DOCK5: variants seen among roughly 807,000 people sequenced by gnomAD.
DOCK5 encodes the protein dedicator of cytokinesis 5.
In DOCK5, 142 loss-of-function variants were observed where a neutral mutation model predicts 251.8. The ratio of observed to expected loss-of-function variants is 0.56; its 90% confidence interval spans 0.49 to 0.65. DOCK5 has a LOEUF of 0.65. Ranked by LOEUF, DOCK5 falls within the 30% of genes least tolerant of loss-of-function variation. The pLI is 0.00. For synonymous variants in DOCK5, 842 were observed against 835.5 expected (o/e 1.01, Z -0.13); for missense variants, 2,111 against 2,312.3 (o/e 0.91, Z 1.79).
intron 1 of DOCK5, among the ~76,000 whole-genome samples, chr8:25,190,128 G>C (rs1563301270): frequency 6.6e-6 from 1 of 151,648 alleles, no homozygotes; most frequent in Admixed American, 6.6e-5. Context: ...TTCATGTGAT[G>C]TGCCCGCCTT....
chr8:25,348,442 C>G (rs559003129), intron 26 of DOCK5, among the ~76,000 whole-genome samples: 1 of 152,338 alleles, frequency 6.6e-6, no homozygotes, highest in East Asian at 1.9e-4. Flanking sequence ...CTCTTATGCT[C>G]CAGGCACTGG....
chr8:25,398,332 C>T (rs1801381255), intron 45 of DOCK5, among the ~76,000 whole-genome samples: 2 of 152,322 alleles, frequency 1.3e-5, no homozygotes, highest in South Asian at 4.1e-4. Context: ...GACAGTCCCT[C>T]TAAATACGAT....
At chr8:25,349,899 C>T (rs1339297865) in intron 26 of DOCK5, among the ~76,000 whole-genome samples, 1 of 152,084 alleles carries the variant, frequency 6.6e-6, no homozygotes. Context: ...CCACTCGTAC[C>T]CCCAAAACTA....
intron 2 of DOCK5, among the ~76,000 whole-genome samples, chr8:25,251,880 T>G (rs984853508): frequency 6.6e-6 from 1 of 151,984 alleles, no homozygotes; most frequent in Non-Finnish European, 1.5e-5. Context: ...TCCCAGCTAC[T>G]TAGGAGACTG....
At chr8:25,233,676 A>G (rs959126233) in intron 1 of DOCK5, among the ~76,000 whole-genome samples, 1 of 152,194 alleles carries the variant, frequency 6.6e-6, no homozygotes, top group Non-Finnish European at 1.5e-5. Context: ...CTTCAATGGC[A>G]CAGCTGTAAT....
chr8:25,390,919 C>G (rs2117318693), intron 42 of DOCK5, among the ~76,000 whole-genome samples: 1 of 152,156 alleles, frequency 6.6e-6, no homozygotes, highest in African/African-American at 2.4e-5. Flanking sequence ...AGCAATTCTC[C>G]TGCCTCAGCC....
intron 1 of DOCK5, among the ~76,000 whole-genome samples, chr8:25,226,523 G>A (rs952134707): frequency 6.6e-6 from 1 of 151,862 alleles, no homozygotes; most frequent in Admixed American, 6.6e-5. Flanking sequence ...CTAGGCCTGG[G>A]ATTACAGGCG....
intron 2 of DOCK5, among the ~76,000 whole-genome samples, chr8:25,262,621 C>T (rs546039098): frequency 2.0e-4 from 31 of 152,248 alleles, no homozygotes; most frequent in African/African-American, 7.0e-4. Flanking sequence ...ACAGGAGACC[C>T]TTCTTAACTC....
chr8:25,275,196 T>C (rs915791373), intron 3 of DOCK5, among the ~76,000 whole-genome samples, 190 bp from the exon 4 acceptor site: 2 of 152,196 alleles, frequency 1.3e-5, no homozygotes, highest in Non-Finnish European at 2.9e-5. Context: ...AATTTCTACC[T>C]TTTTGATGTT....
chr8:25,401,180 A>C, intron 47 of DOCK5, 114 bp downstream of exon 47: 1 of 1,418,640 alleles, frequency 7.0e-7, no homozygotes, highest in Non-Finnish European at 9.7e-7. Context: ...ATGGCATGGA[A>C]ATAGTGAGGC....
intron 47 of DOCK5, 23 bp from the exon 48 acceptor site, chr8:25,403,535 C>A: frequency 6.2e-7 from 1 of 1,612,232 alleles, no homozygotes; most frequent in Non-Finnish European, 8.5e-7. Flanking sequence ...GTCCGCTAAC[C>A]ATGTGGAGTC....
At chr8:25,332,381 A>T (rs1475806934) in intron 19 of DOCK5, 33 bp downstream of exon 19, 2 of 1,507,178 alleles carry the variant, frequency 1.3e-6, no homozygotes, top group Non-Finnish European at 1.8e-6. Context: ...AGAAATACAC[A>T]TACCTACATA....
At chr8:25,376,515 G>A in intron 37 of DOCK5, 1 of 392,370 alleles carries the variant, frequency 2.5e-6, no homozygotes, top group Non-Finnish European at 3.5e-6. Context: ...TGACCTGGTA[G>A]TTACTCTTGA....
intron 1 of DOCK5, among the ~76,000 whole-genome samples, chr8:25,190,132 C>A (rs1164191275): frequency 6.6e-6 from 1 of 152,148 alleles, no homozygotes; most frequent in African/African-American, 2.4e-5. Flanking sequence ...TGTGATGTGC[C>A]CGCCTTGGCC....
intron 3 of DOCK5, among the ~76,000 whole-genome samples, chr8:25,271,907 C>T (rs1803922446): frequency 6.6e-6 from 1 of 152,098 alleles, no homozygotes; most frequent in Admixed American, 6.6e-5. Context: ...CTGTAAATGG[C>T]CAAGTGTCAT....
chr8:25,254,800 A>AC (rs1803374007), intron 2 of DOCK5, among the ~76,000 whole-genome samples: 1 of 148,200 alleles, frequency 6.7e-6, no homozygotes, highest in Non-Finnish European at 1.5e-5. Context: ...AAACAAAAAA[A>AC]AAAAACATTT....
intron 1 of DOCK5, among the ~76,000 whole-genome samples, chr8:25,243,332 C>CTT (rs539379147): frequency 7.9e-5 from 11 of 138,678 alleles, no homozygotes; most frequent in African/African-American, 1.3e-4. Context: ...GACATGCATT[C>CTT]TTTTTTTTTT....
intron 2 of DOCK5, among the ~76,000 whole-genome samples, chr8:25,266,462 G>C (rs532742144): frequency 6.6e-6 from 1 of 151,820 alleles, no homozygotes; most frequent in South Asian, 2.1e-4. Flanking sequence ...TGATCCGCCC[G>C]CCTCAGCCTC....
At chr8:25,326,634 T>C (rs1805571992) in intron 18 of DOCK5, among the ~76,000 whole-genome samples, 1 of 152,236 alleles carries the variant, frequency 6.6e-6, no homozygotes, top group African/African-American at 2.4e-5. Context: ...GGTAGGTTAA[T>C]GGGTACAACA....
Sources: allele counts gnomAD v4.1 joint callset (sites outside exome capture counted in the v4.1 genomes callset), GRCh38; gene constraint gnomAD v4.1.1; transcripts MANE v1.5; gene names NCBI Gene and HGNC (gene_info 2026-07-23, HGNC 2026-07-21).